The following KPNA6 variants were observed in gnomAD, a reference collection of about 807,000 sequenced individuals.
KPNA6 encodes the protein karyopherin subunit alpha 6.
Under a neutral mutation model 72.0 loss-of-function variants are expected in KPNA6, and 9 were observed. The ratio of observed to expected loss-of-function variants is 0.13; its 90% confidence interval spans 0.08 to 0.22. KPNA6 has a LOEUF of 0.22. Among genes scored for constraint, KPNA6 ranks in the 10% least tolerant of loss-of-function variants. The pLI is 1.00. For synonymous variants in KPNA6, 219 were observed against 242.1 expected (o/e 0.90, Z 0.89); for missense variants, 374 against 655.7 (o/e 0.57, Z 4.69).
intron 1 of KPNA6, among the ~76,000 whole-genome samples, chr1:32,133,571 G>A (rs1379492078): frequency 4.6e-5 from 7 of 151,770 alleles, no homozygotes; most frequent in South Asian, 2.1e-4. Context: ...TGGGCCTGTG[G>A]TCCCAGCTGT....
Position 32,171,125 on chromosome 1 carries a change from G to A in KPNA6, c.*231G>A. 1 of 539,468 alleles carries A rather than the reference G, an allele frequency of 1.9e-6. No individual in the cohort carries two copies. Among genetic ancestry groups the A allele is most frequent in the Non-Finnish European group, 3.3e-6 (1 of 301,486 alleles). The allele number at this position is 539,468 out of a possible 1,614,324, so 33.4% of individuals were successfully genotyped here. A position where few individuals can be genotyped will look rare whatever the true frequency, so the allele number is the denominator to read the frequency against. On this transcript the variant is annotated 3_prime_UTR_variant, in exon 14 of 14. Transcript: ENST00000373625. ...TTTTGTGACAAGAAGGGGACGTGTT[G>A]GGTTTTTCTTCCTTACACTATATTT...
rs202079858 is a variant in KPNA6 at position 32,108,147 on chromosome 1, A to G, written c.4+13A>G. ...GGACCCGCGATGGGTGAGTGAGGAA[A>G]CCACGCAGTAGGGTTCTTGGGCTCA... is the stretch of plus-strand genomic sequence containing the variant. On this transcript the variant is annotated intron_variant, in intron 1 of 13. Transcript: ENST00000373625. 3.8e-4 allele frequency: 607 copies of G among 1,613,986 alleles called. 1 individual carries two copies. Among genetic ancestry groups the G allele is most frequent in the Non-Finnish European group, 4.6e-4 (546 of 1,179,928 alleles).
In KPNA6 at chr1:32,134,495, G is replaced by A. The variant is rs577287443; in HGVS notation, c.5-20093G>A. ...GTCTCTACTCAAAATACAAAAATTA[G>A]CCAGATGTGGTGCACGCCTATAATC... On this transcript the variant is annotated intron_variant, in intron 1 of 13. Coordinates refer to ENST00000373625, the MANE Select transcript of KPNA6 (RefSeq NM_012316.5). Among the ~76,000 whole-genome samples the A allele has an allele frequency of 2.6e-5, 4 of 151,768 alleles. No individual in the cohort carries two copies. The South Asian group carries it at 6.3e-4, about 24-fold the overall frequency.
In KPNA6 at chr1:32,160,611, T is replaced by A. The variant is rs1255415063; in HGVS notation, c.559-4T>A. On this transcript the variant is annotated splice_polypyrimidine_tract_variant and splice_region_variant and intron_variant, in intron 6 of 13. Transcript: ENST00000373625. Reference sequence around the variant, plus strand: ...GGGTGACAGTTTCATTATCCCCTTTTCAGGCAGTCTGGGCACTGGGAAACA... The same window carrying A: ...GGGTGACAGTTTCATTATCCCCTTTACAGGCAGTCTGGGCACTGGGAAACA... 2 of 1,613,226 alleles carry A rather than the reference T, an allele frequency of 1.2e-6. No individual in the cohort carries two copies. The highest frequency in any genetic ancestry group is 2.7e-5 in the African/African-American group (2 of 74,890).
chr1:32,134,128 G>T (rs1450916358), intron 1 of KPNA6, among the ~76,000 whole-genome samples: 1 of 150,724 alleles, frequency 6.6e-6, no homozygotes, highest in Non-Finnish European at 1.5e-5. Context: ...TGGGTGGTGG[G>T]CCCCTGTAGT....
intron 1 of KPNA6, among the ~76,000 whole-genome samples, chr1:32,143,592 G>GA (rs200170133): frequency 7.2e-6 from 1 of 138,546 alleles, no homozygotes; most frequent in Non-Finnish European, 1.6e-5. Flanking sequence ...AAAAAGAAAA[G>GA]AAAAAAAAAT....
chr1:32,139,837 G>T (rs1386587900), intron 1 of KPNA6, among the ~76,000 whole-genome samples: 1 of 152,146 alleles, frequency 6.6e-6, no homozygotes, highest in Non-Finnish European at 1.5e-5. Context: ...GATATGAATG[G>T]CTGCTAGTTG....
intron 1 of KPNA6, among the ~76,000 whole-genome samples, chr1:32,117,849 A>G (rs779005855): frequency 1.3e-5 from 2 of 152,060 alleles, no homozygotes; most frequent in Admixed American, 1.3e-4. Context: ...CTGTTTGTAC[A>G]TAAGCATTCC....
chr1:32,164,688 ATTTT>A (rs1188325674), intron 10 of KPNA6, among the ~76,000 whole-genome samples: 2 of 118,464 alleles, frequency 1.7e-5, no homozygotes. Flanking sequence ...CCATCTGTGT[ATTTT>A]TTTTTTTTTT....
intron 1 of KPNA6, among the ~76,000 whole-genome samples, chr1:32,124,815 C>CT (rs34523852): frequency 6.7e-6 from 1 of 148,244 alleles, no homozygotes; most frequent in African/African-American, 2.5e-5. Flanking sequence ...CCGGCCTCGT[C>CT]TTTTTTTAAG....
chr1:32,155,047 G>A (rs1642111441), intron 2 of KPNA6, among the ~76,000 whole-genome samples: 1 of 149,610 alleles, frequency 6.7e-6, no homozygotes, highest in Non-Finnish European at 1.5e-5. Flanking sequence ...GGAGGCGGAG[G>A]TTGCAGGAGC....
At chr1:32,141,222 G>T (rs188645800) in intron 1 of KPNA6, among the ~76,000 whole-genome samples, 64 of 151,950 alleles carry the variant, frequency 4.2e-4, no homozygotes, top group African/African-American at 1.3e-3. Context: ...CAGTCAATTG[G>T]CCTGAGTTTA....
intron 2 of KPNA6, 42 bp from the exon 3 acceptor site, chr1:32,156,811 T>C: frequency 7.1e-7 from 1 of 1,414,604 alleles, no homozygotes; most frequent in Non-Finnish European, 1.0e-6. Flanking sequence ...TTGTTTTCTT[T>C]GGTTCAGAGA....
intron 1 of KPNA6, among the ~76,000 whole-genome samples, chr1:32,122,511 A>G (rs1641451108): frequency 6.6e-6 from 1 of 152,110 alleles, no homozygotes; most frequent in African/African-American, 2.4e-5. Context: ...GAGGCCTGGC[A>G]CAGTGGCTGA....
intron 1 of KPNA6, among the ~76,000 whole-genome samples, chr1:32,128,387 TTATA>T (rs67312157): frequency 0.18 from 12,776 of 71,982 alleles, 1,124 homozygotes; most frequent in Admixed American, 0.27. Flanking sequence ...ATATATGTAT[TTATA>T]TATATATATA....
chr1:32,141,739 G>T (rs1022921564), intron 1 of KPNA6, among the ~76,000 whole-genome samples: 6 of 151,998 alleles, frequency 3.9e-5, no homozygotes, highest in Non-Finnish European at 8.8e-5. Context: ...GCGTGTCCTT[G>T]TGTCTCATGA....
Position 32,162,055 on chromosome 1 carries a change from G to C in KPNA6, c.747+9G>C. On this transcript the variant is annotated intron_variant, in intron 8 of 13. Transcript: ENST00000373625. ...CCCCAGAGTTTGCAAAGGTGAGAGA[G>C]CTACTTACTAGACCCTGAGTGACAT... 1 of 1,606,334 alleles carries C rather than the reference G, an allele frequency of 6.2e-7. No individual in the cohort carries two copies. Among genetic ancestry groups the C allele is most frequent in the South Asian group, 1.1e-5 (1 of 90,754 alleles).
chr1:32,142,967 G>C, intron 1 of KPNA6: 1 of 1,289,738 alleles, frequency 7.8e-7, no homozygotes, highest in Non-Finnish European at 1.0e-6. Context: ...AGCTGTGCTT[G>C]AAGGAGAGGC....
rs1479886582 is a variant in KPNA6 at position 32,162,503 on chromosome 1, G to A, written c.890G>A (p.Arg297Gln). 1.2e-6 allele frequency: 2 copies of A among 1,613,966 alleles called. No homozygotes were observed. Among genetic ancestry groups the A allele is most frequent in the Non-Finnish European group, 1.7e-6 (2 of 1,180,010 alleles). ...IQAVIDSGVC[R>Q]RLVELLMHND... ...GCAGTCATAGACTCCGGAGTCTGCC[G>A]GAGATTGGTAGAGCTGCTGATGTGA... The change falls in exon 9 of 14, where the codon CGG becomes CAG. Residue 297 changes from arginine (R) to glutamine (Q), a missense_variant. By Grantham distance (43) the Arg-to-Gln change is conservative. Coordinates refer to ENST00000373625, the MANE Select transcript of KPNA6 (RefSeq NM_012316.5).
Sources: gnomAD v4.1 joint callset for allele counts (sites outside exome capture counted in the v4.1 genomes callset) on GRCh38, gnomAD v4.1.1 for gene constraint, MANE v1.5 for transcripts, NCBI Gene and HGNC (gene_info 2026-07-23, HGNC 2026-07-21) for gene names.